Variants in LIN28B observed in about 807,000 individuals in gnomAD.
LIN28B encodes lin-28 RNA binding posttranscriptional regulator B, also known as protein lin-28 homolog B.
Under a neutral mutation model 21.9 loss-of-function variants are expected in LIN28B, and 5 were observed. That is an observed-to-expected ratio of 0.23 (90% CI 0.12 to 0.48). The LOEUF is 0.48. Ranked by LOEUF, LIN28B falls within the 20% of genes least tolerant of loss-of-function variation. LIN28B has a pLI of 0.98. For missense variants in LIN28B, 245 were observed against 310.5 expected, an observed-to-expected ratio of 0.79 and a Z score of 1.58; for synonymous variants, 109 against 111.3, an observed-to-expected ratio of 0.98 and a Z score of 0.13.
rs1582938871 is a variant in LIN28B at position 105,081,001 on chromosome 6, C to T, written c.*2218C>T. ...GGTCTTTATGGGTGCAATTTGAAAT[C>T]CTTTTCATCATCTTACCAGACTAAA... On this transcript the variant is annotated 3_prime_UTR_variant, in exon 4 of 4. Coordinates refer to ENST00000345080, the MANE Select transcript of LIN28B (RefSeq NM_001004317.4). 1 of 152,656 alleles carries T rather than the reference C, an allele frequency of 6.6e-6. No individual in the cohort carries two copies. Among genetic ancestry groups the T allele is most frequent in the East Asian group, 1.9e-4 (1 of 5,190 alleles). 9.5% of individuals were successfully genotyped at this position (152,656 alleles called of 1,614,324 possible).
chr6:105,025,807 C>CT (rs530956563), intron 2 of LIN28B, among the ~76,000 whole-genome samples: 132 of 145,466 alleles, frequency 9.1e-4, no homozygotes, highest in Middle Eastern at 3.5e-3. Flanking sequence ...TTCTTTAACT[C>CT]TTTTTTTTTT....
At chr6:104,948,710 CA>C (rs1778186197) in intron 2 of LIN28B, among the ~76,000 whole-genome samples, 2 of 152,168 alleles carry the variant, frequency 1.3e-5, no homozygotes, top group Admixed American at 1.3e-4. Context: ...TACATTTAAA[CA>C]ATGCTATTTT....
At chr6:105,017,613 AT>A (rs1203947962) in intron 2 of LIN28B, among the ~76,000 whole-genome samples, 1 of 152,146 alleles carries the variant, frequency 6.6e-6, no homozygotes, top group African/African-American at 2.4e-5. Flanking sequence ...GCTGGAGCCC[AT>A]TATTCTAAGC....
At chr6:105,055,411 A>G (rs944844852) in intron 3 of LIN28B, among the ~76,000 whole-genome samples, 3 of 152,180 alleles carry the variant, frequency 2.0e-5, no homozygotes, top group Admixed American at 1.3e-4. Flanking sequence ...TTCATGGGAC[A>G]GGATACTGGA....
chr6:104,964,436 G>A lies in LIN28B; in HGVS notation c.198+6150G>A, dbSNP rs945175870. On this transcript the variant is annotated intron_variant, in intron 2 of 3. Transcript: ENST00000345080. ...CTTAAATGTTATATTCTATAGACTT[G>A]ATTTGGAATGAAATATGGGATATTT... Among the ~76,000 whole-genome samples, 8 of 152,262 alleles carry A rather than the reference G, an allele frequency of 5.3e-5. No homozygotes were observed. The East Asian group carries it at 7.7e-4, about 15-fold the overall frequency.
chr6:104,983,770 T>G (rs2114256171), intron 2 of LIN28B, among the ~76,000 whole-genome samples: 1 of 152,218 alleles, frequency 6.6e-6, no homozygotes, highest in East Asian at 1.9e-4. Context: ...GAGATGGGGT[T>G]TCACCATGTT....
chr6:105,074,043 T>C (rs2114420391), intron 3 of LIN28B, among the ~76,000 whole-genome samples: 1 of 152,344 alleles, frequency 6.6e-6, no homozygotes, highest in Middle Eastern at 3.4e-3. Flanking sequence ...GATTAACTTA[T>C]TAACTAGTGT....
intron 3 of LIN28B, chr6:104,950,520 T>C: frequency 8.2e-7 from 1 of 1,216,394 alleles, no homozygotes; most frequent in Non-Finnish European, 1.0e-6. Flanking sequence ...GTTAGTCTTT[T>C]TTTTTTTTTT....
At chr6:105,018,723 T>C (rs1242776105) in intron 2 of LIN28B, among the ~76,000 whole-genome samples, 2 of 152,164 alleles carry the variant, frequency 1.3e-5, no homozygotes, top group Admixed American at 6.5e-5. Context: ...CTTCCTTTCT[T>C]CCTTCCTCAC....
intron 3 of LIN28B, among the ~76,000 whole-genome samples, chr6:105,033,095 TTTAGAG>T (rs1446294306): frequency 6.6e-6 from 1 of 152,196 alleles, no homozygotes; most frequent in Non-Finnish European, 1.5e-5. Context: ...CAATGATCCA[TTTAGAG>T]TTAGTTTTTA....
intron 2 of LIN28B, among the ~76,000 whole-genome samples, chr6:104,980,727 C>G (rs1484103200): frequency 3.9e-5 from 6 of 152,028 alleles, no homozygotes; most frequent in Admixed American, 2.6e-4. Context: ...TATTGGTGGT[C>G]ACTCATGTAT....
intron 2 of LIN28B, among the ~76,000 whole-genome samples, chr6:104,972,490 G>C (rs1770000995): frequency 6.6e-6 from 1 of 152,064 alleles, no homozygotes; most frequent in Non-Finnish European, 1.5e-5. Context: ...GTGGAGAAAA[G>C]TAGTTTTTAA....
At chr6:104,994,849 C>T (rs186695747) in intron 2 of LIN28B, among the ~76,000 whole-genome samples, 4 of 152,254 alleles carry the variant, frequency 2.6e-5, no homozygotes, top group South Asian at 4.1e-4. Context: ...CTGATTCACA[C>T]GGGGAGCCTT....
rs984945295 is a variant in LIN28B at position 105,079,288 on chromosome 6, G to C, written c.*505G>C. 1.3e-5 allele frequency: 2 copies of C among 152,742 alleles called. No homozygotes were observed. Among genetic ancestry groups the C allele is most frequent in the Admixed American group, 6.5e-5 (1 of 15,284 alleles). 9.5% of individuals were successfully genotyped at this position (152,742 alleles called of 1,614,324 possible). A position where few individuals can be genotyped will look rare whatever the true frequency, so the allele number is the denominator to read the frequency against. On this transcript the variant is annotated 3_prime_UTR_variant, in exon 4 of 4. Transcript: ENST00000345080. The stretch of plus-strand genomic sequence containing the variant: ...CTGTTACCTTTTGTGTGAACCAAAG[G>C]ATACTTCAGATCTCAGAGCTGCCAA...
chr6:104,965,795 A>G (rs1423696976), intron 2 of LIN28B, among the ~76,000 whole-genome samples: 1 of 152,222 alleles, frequency 6.6e-6, no homozygotes, highest in Non-Finnish European at 1.5e-5. Flanking sequence ...TACCTGTGTA[A>G]GATTTTACCT....
chr6:105,047,004 A>G (rs1200710168), intron 3 of LIN28B, among the ~76,000 whole-genome samples: 1 of 152,138 alleles, frequency 6.6e-6, no homozygotes, highest in Non-Finnish European at 1.5e-5. Flanking sequence ...TTTGCTGTGC[A>G]GAAGCTCTTT....
At chr6:104,937,623 A>G (rs1778025846) in intron 2 of LIN28B, among the ~76,000 whole-genome samples, 1 of 152,214 alleles carries the variant, frequency 6.6e-6, no homozygotes, top group East Asian at 1.9e-4. Context: ...CTAGTTTTTC[A>G]ACATTGTAAC....
intron 3 of LIN28B, among the ~76,000 whole-genome samples, chr6:105,069,828 C>T (rs1045722432): frequency 6.6e-6 from 1 of 152,126 alleles, no homozygotes; most frequent in Non-Finnish European, 1.5e-5. Flanking sequence ...CAGTGTGTGC[C>T]TTCCAGGGAT....
At chr6:104,942,698 A>G (rs1778111031) in intron 2 of LIN28B, among the ~76,000 whole-genome samples, 1 of 152,288 alleles carries the variant, frequency 6.6e-6, no homozygotes, top group African/African-American at 2.4e-5. Flanking sequence ...GAAACACAGC[A>G]ATCCAGTGTG....
Sources: allele counts gnomAD v4.1 joint callset (sites outside exome capture counted in the v4.1 genomes callset), GRCh38; gene constraint gnomAD v4.1.1; transcripts MANE v1.5; gene names NCBI Gene and HGNC (gene_info 2026-07-23, HGNC 2026-07-21).